DIAPH1: variants seen among roughly 807,000 people sequenced by gnomAD.
DIAPH1 encodes protein diaphanous homolog 1.
DIAPH1 carries 46 observed loss-of-function variants against 140.7 expected under a neutral mutation model. The ratio of observed to expected loss-of-function variants is 0.33; its 90% CI spans 0.26 to 0.42. The LOEUF (loss-of-function observed/expected upper bound fraction) is 0.42, where lower values mean the gene tolerates loss of function less well. Ranked by LOEUF, DIAPH1 falls within the 10% of genes least tolerant of loss-of-function variation. The pLI, the probability that DIAPH1 is intolerant of heterozygous loss-of-function variation, is 1.00. For missense variants in DIAPH1, 1,310 were observed against 1,558.7 expected, an observed-to-expected ratio of 0.84 and a Z score of 2.69; for synonymous variants, 565 against 551.6, an observed-to-expected ratio of 1.02 and a Z score of -0.34.
chr5:141,552,675 A>G (rs1353476890), intron 18 of DIAPH1, among the ~76,000 whole-genome samples: 5 of 152,210 alleles, frequency 3.3e-5, no homozygotes, highest in Non-Finnish European at 7.3e-5. Flanking sequence ...TAGGAACAAT[A>G]GGAAACTAAT....
At chr5:141,546,184 G>T (rs928524509) in intron 18 of DIAPH1, among the ~76,000 whole-genome samples, 2 of 151,850 alleles carry the variant, frequency 1.3e-5, no homozygotes, top group Non-Finnish European at 2.9e-5. Context: ...GAGTTTGAGC[G>T]CAGCCTGGCC....
At chr5:141,548,270 T>A (rs1596356305) in intron 18 of DIAPH1, among the ~76,000 whole-genome samples, 3 of 135,740 alleles carry the variant, frequency 2.2e-5, no homozygotes. Flanking sequence ...AGACTGACAG[T>A]GGAATTCTTT....
intron 18 of DIAPH1, among the ~76,000 whole-genome samples, chr5:141,539,073 G>A (rs1562293113): frequency 6.6e-6 from 1 of 151,700 alleles, no homozygotes; most frequent in African/African-American, 2.4e-5. Flanking sequence ...CCAGGAATTC[G>A]AGACCAGCTT....
chr5:141,557,781 G>A (rs955228875), intron 18 of DIAPH1: 1 of 152,174 alleles, frequency 6.6e-6, no homozygotes, highest in Non-Finnish European at 1.5e-5. Flanking sequence ...AAGGACTTGC[G>A]GCATCGATTG....
intron 1 of DIAPH1, among the ~76,000 whole-genome samples, chr5:141,590,300 T>C (rs1366422074): frequency 1.3e-5 from 2 of 152,168 alleles, no homozygotes; most frequent in Non-Finnish European, 1.5e-5. Flanking sequence ...TTGTCCAGAA[T>C]AGGTCAAGAG....
chr5:141,576,318 G>T (rs1394620720), intron 13 of DIAPH1, 24 bp from the exon 14 acceptor site: 7 of 1,568,550 alleles, frequency 4.5e-6, no homozygotes, highest in Non-Finnish European at 6.1e-6. Context: ...GAGTCAGTAA[G>T]TAAAGCTCCT....
intron 1 of DIAPH1, among the ~76,000 whole-genome samples, chr5:141,597,937 G>GTAC (rs2154597013): frequency 6.6e-6 from 1 of 152,318 alleles, no homozygotes; most frequent in Non-Finnish European, 1.5e-5. Flanking sequence ...ACAGAGCAGT[G>GTAC]TACTCCCTCA....
At chr5:141,579,232 G>T (rs1407564048) in intron 8 of DIAPH1, 36 bp from the exon 9 acceptor site, 7 of 1,520,700 alleles carry the variant, frequency 4.6e-6, no homozygotes, top group Non-Finnish European at 5.5e-6. Flanking sequence ...GAACTTTCCA[G>T]GTACTGTGAC....
intron 18 of DIAPH1, among the ~76,000 whole-genome samples, chr5:141,569,185 C>T (rs907450546): frequency 3.3e-5 from 5 of 152,084 alleles, no homozygotes; most frequent in African/African-American, 1.2e-4. Context: ...AGTACATACA[C>T]ACTTCCTAAG....
chr5:141,605,694 C>A (rs1343130443), intron 1 of DIAPH1, among the ~76,000 whole-genome samples: 1 of 152,214 alleles, frequency 6.6e-6, no homozygotes, highest in Non-Finnish European at 1.5e-5. Context: ...TCAGTGTCCT[C>A]CTAATTTTAA....
chr5:141,567,421 C>T (rs62379255), intron 18 of DIAPH1, among the ~76,000 whole-genome samples: 14,479 of 152,162 alleles, frequency 0.095, 794 homozygotes, highest in Middle Eastern at 0.17. Flanking sequence ...TATAGAACTT[C>T]CCAATTTCTT....
chr5:141,573,218 C>T (rs913598623), intron 16 of DIAPH1, among the ~76,000 whole-genome samples: 19 of 151,980 alleles, frequency 1.3e-4, no homozygotes, highest in African/African-American at 4.3e-4. Context: ...GGGCGGATCA[C>T]GAGGTCAGGA....
intron 1 of DIAPH1, among the ~76,000 whole-genome samples, chr5:141,604,194 A>G (rs1022815506): frequency 6.6e-6 from 1 of 152,364 alleles, no homozygotes; most frequent in African/African-American, 2.4e-5. Flanking sequence ...GCCAGCATGC[A>G]TAGTCTGTCA....
At chr5:141,571,393 A>G in intron 18 of DIAPH1, 35 bp downstream of exon 18, 1 of 1,574,948 alleles carries the variant, frequency 6.3e-7, no homozygotes, top group East Asian at 2.2e-5. Flanking sequence ...CTAATATTCA[A>G]GAGACCAAAC....
intron 17 of DIAPH1, 50 bp downstream of exon 17, chr5:141,571,876 A>C (rs747063705): frequency 7.4e-7 from 1 of 1,352,834 alleles, no homozygotes; most frequent in African/African-American, 1.4e-5. Context: ...TAATGAAAAA[A>C]TATTCTAAGC....
At chr5:141,605,712 G>C (rs2099900820) in intron 1 of DIAPH1, among the ~76,000 whole-genome samples, 1 of 152,128 alleles carries the variant, frequency 6.6e-6, no homozygotes, top group Non-Finnish European at 1.5e-5. Flanking sequence ...TAAGAGGCTG[G>C]GTCAGATCAT....
chr5:141,613,970 T>C (rs2099902249), intron 1 of DIAPH1, among the ~76,000 whole-genome samples: 1 of 151,952 alleles, frequency 6.6e-6, no homozygotes. Context: ...AGGGAGGAGG[T>C]GACAGGCAGC....
In DIAPH1 at chr5:141,573,876, A is replaced by G. The variant is rs539519469; in HGVS notation, c.1974T>C (p.Pro658=). 2.0e-6 allele frequency: 3 copies of G among 1,537,310 alleles called. No individual in the cohort carries two copies. The highest frequency in any genetic ancestry group is 4.8e-5 in the East Asian group (2 of 41,308). Residue 658 remains proline (P), a synonymous_variant, in exon 16 of 28, where the codon CCT becomes CCC. Coordinates refer to ENST00000389054, the MANE Select transcript of DIAPH1 (RefSeq NM_005219.5). ...AGGGTGAAGGGATGCCAACACCCTC[A>G]GGCAAAGGAGGGGGTGGAGGGATGG... ...DATIPPPPPL[P]EGVGIPSPSS... is the part of the protein sequence containing the mutation.
chr5:141,601,096 A>G (rs1409042886), intron 1 of DIAPH1, among the ~76,000 whole-genome samples: 5 of 151,988 alleles, frequency 3.3e-5, no homozygotes, highest in Non-Finnish European at 7.4e-5. Context: ...GGGAGAGGGG[A>G]GGGATAGCAT....
Sources: gnomAD v4.1 joint callset for allele counts (sites outside exome capture counted in the v4.1 genomes callset) on GRCh38, gnomAD v4.1.1 for gene constraint, MANE v1.5 for transcripts, NCBI Gene and HGNC (gene_info 2026-07-23, HGNC 2026-07-21) for gene names.